COL18A1: variants seen among roughly 807,000 people sequenced by gnomAD.
COL18A1 encodes the protein collagen alpha-1(XVIII) chain.
COL18A1 carries 133 observed loss-of-function variants against 168.0 expected under a neutral mutation model. That is an observed-to-expected ratio of 0.79 (90% CI 0.69 to 0.91). The LOEUF (loss-of-function observed/expected upper bound fraction) is 0.91. Ranked by LOEUF, COL18A1 falls within the 40% of genes least tolerant of loss-of-function variation. The pLI, the probability that COL18A1 is intolerant of heterozygous loss-of-function variation, is 0.00. For synonymous variants in COL18A1, 949 were observed against 809.0 expected, an observed-to-expected ratio of 1.17 and a Z score of -2.94; for missense variants, 2,126 against 1,925.4, an observed-to-expected ratio of 1.10 and a Z score of -1.95.
chr21:45,505,830 C>G lies in COL18A1; in HGVS notation c.3088-8C>G. The G allele has an allele frequency of 1.9e-6, 3 of 1,562,756 alleles. No homozygotes were observed. Among genetic ancestry groups the G allele is most frequent in the Non-Finnish European group, 2.6e-6 (3 of 1,148,102 alleles). ...CAAGCCCCACACCTCTGCATTTGGT[C>G]CCAGCAGGTGAGGCTCTGGGCTACA... On this transcript the variant is annotated splice_polypyrimidine_tract_variant and splice_region_variant and intron_variant, in intron 36 of 41. Transcript: ENST00000651438.
At chr21:45,469,723 G>A (rs1016082288) in intron 3 of COL18A1, among the ~76,000 whole-genome samples, 6 of 152,242 alleles carry the variant, frequency 3.9e-5, no homozygotes, top group Admixed American at 6.5e-5. Flanking sequence ...GCAGCTGGAC[G>A]CCCCTGCCCT....
intron 2 of COL18A1, among the ~76,000 whole-genome samples, chr21:45,453,034 T>C (rs2034679579): frequency 6.6e-6 from 1 of 152,066 alleles, no homozygotes; most frequent in Admixed American, 6.5e-5. Context: ...AGTATTCATG[T>C]GTGACATGTA....
At position 45,496,489 on chromosome 21, in the gene COL18A1, C is replaced by T. The variant is rs576837210; in HGVS notation, c.2509-11C>T. The T allele has an allele frequency of 9.5e-5, 121 of 1,268,078 alleles. No homozygotes were observed. Among genetic ancestry groups the T allele is most frequent in the Non-Finnish European group, 4.6e-6 (4 of 864,336 alleles). The allele number at this position is 1,268,078 out of a possible 1,614,324, so 78.6% of individuals were successfully genotyped here. A position where few individuals can be genotyped will look rare whatever the true frequency, so the allele number is the denominator to read the frequency against. On this transcript the variant is annotated splice_polypyrimidine_tract_variant and intron_variant, in intron 29 of 41. Coordinates refer to ENST00000651438, the MANE Select transcript of COL18A1 (RefSeq NM_001379500.1). ...GGCCATAAGCCTAACAGCTCTCTGC[C>T]CTCCCCACAGGGAATGCCCGGCCCC...
chr21:45,495,863 A>G (rs2036520606), intron 29 of COL18A1: 1 of 318,566 alleles, frequency 3.1e-6, no homozygotes, highest in South Asian at 2.7e-5. Flanking sequence ...ATACATGTGC[A>G]CGTATCCACA....
rs560850010 is a variant in COL18A1, at chr21:45,473,548, C to G, written c.652-347C>G. On this transcript the variant is annotated intron_variant, in intron 3 of 41. Transcript: ENST00000651438. The surrounding 1 kb of genome is among the most constrained non-coding windows in gnomAD (Gnocchi z 4.0). Reference sequence around the variant, plus strand: ...TTGGGGGACTTGACCTGCAGCCCCTCGAATCTGCCCGCCCTCCCAGGCCTT... The same window carrying G: ...TTGGGGGACTTGACCTGCAGCCCCTGGAATCTGCCCGCCCTCCCAGGCCTT... Among the ~76,000 whole-genome samples the G allele has an allele frequency of 6.6e-6, 1 of 152,082 alleles. No homozygotes were observed. Among genetic ancestry groups the G allele is most frequent in the South Asian group, 2.1e-4 (1 of 4,830 alleles).
chr21:45,503,357 C>T (rs1242886836), intron 32 of COL18A1, among the ~76,000 whole-genome samples: 1 of 151,964 alleles, frequency 6.6e-6, no homozygotes, highest in Non-Finnish European at 1.5e-5. Context: ...TTTTTGGCTG[C>T]ATAAATGTCT....
chr21:45,437,828 TCAGACAAGCACTCTCCTG>T (rs2034216962), intron 2 of COL18A1, among the ~76,000 whole-genome samples: 1 of 26,522 alleles, frequency 3.8e-5, no homozygotes, highest in Non-Finnish European at 6.0e-5. Context: ...ACACTCACAC[TCAGACAAGCACTCTCCTG>T]CACACACTCA....
chr21:45,474,841 T>C (rs999305270), intron 4 of COL18A1, among the ~76,000 whole-genome samples: 1 of 24,230 alleles, frequency 4.1e-5, no homozygotes, highest in East Asian at 1.3e-3. Context: ...CATGTTACTT[T>C]CATGCTTTTT....
rs2035834385 is a variant in COL18A1 at position 45,479,932 on chromosome 21, A to G, written c.1279A>G (p.Thr427Ala). The G allele has an allele frequency of 6.2e-7, 1 of 1,612,846 alleles. No individual in the cohort carries two copies. Among genetic ancestry groups the G allele is most frequent in the Admixed American group, 1.7e-5 (1 of 59,918 alleles). Residue 427 changes from threonine (T) to alanine (A), a missense_variant, in exon 10 of 42, where the codon ACT becomes GCT. Coordinates refer to ENST00000651438, the MANE Select transcript of COL18A1 (RefSeq NM_001379500.1). The stretch of plus-strand genomic sequence containing the variant: ...CACCGGGCCACAAGGCTTCCCCGGG[A>G]CTCCAGGGGACGTAGGTCCCAAGGG... ...GDTGPQGFPG[T>A]PGDVGPKGDK...
intron 32 of COL18A1, among the ~76,000 whole-genome samples, chr21:45,500,118 AGTGTGGGG>A (rs1321815529): frequency 2.5e-5 from 3 of 120,108 alleles, no homozygotes; most frequent in Non-Finnish European, 3.5e-5. Context: ...GAGTGTGTGC[AGTGTGGGG>A]GTGTGGGTGG....
chr21:45,511,346 T>TTTAAAA, intron 41 of COL18A1, 120 bp downstream of exon 41: 1 of 690,216 alleles, frequency 1.4e-6, no homozygotes, highest in Non-Finnish European at 2.7e-6. Context: ...TGCTCATTAC[T>TTTAAAA]TTAAAATTAC....
chr21:45,505,480 G>GCAGAACCAGCCA, intron 36 of COL18A1, 49 bp downstream of exon 36: 2 of 971,140 alleles, frequency 2.1e-6, no homozygotes, highest in Non-Finnish European at 3.2e-6. Context: ...TGCCCTGGCT[G>GCAGAACCAGCCA]GTTCTGCAGC....
At position 45,442,227 on chromosome 21, in the gene COL18A1, C is replaced by T. The variant is rs73909528; in HGVS notation, c.107-26015C>T. On this transcript the variant is annotated intron_variant, in intron 2 of 41. Coordinates refer to ENST00000651438, the MANE Select transcript of COL18A1 (RefSeq NM_001379500.1). Reference sequence around the variant, plus strand: ...GGATACCACCGGTGCACAGGGTGCACGTGAGGAAACCCTGCCCGTTCTGTG... The same window carrying T: ...GGATACCACCGGTGCACAGGGTGCATGTGAGGAAACCCTGCCCGTTCTGTG... Among the ~76,000 whole-genome samples the T allele has an allele frequency of 5.4e-3, 828 of 152,298 alleles. 12 individuals are homozygous for T. The highest frequency in any genetic ancestry group is 0.019 in the African/African-American group (799 of 41,558).
chr21:45,500,322 TGA>T (rs1225776237), intron 32 of COL18A1, among the ~76,000 whole-genome samples: 3 of 57,548 alleles, frequency 5.2e-5, no homozygotes, highest in African/African-American at 7.2e-5. Flanking sequence ...AGTGGGGGTG[TGA>T]GGGGTGTGGA....
intron 3 of COL18A1, 107 bp downstream of exon 3, chr21:45,468,893 C>T: frequency 8.2e-7 from 1 of 1,214,308 alleles, no homozygotes; most frequent in South Asian, 1.5e-5. Context: ...AGGAGAGCCC[C>T]CACCCCAGCT....
chr21:45,416,660 G>A (rs943141671), intron 2 of COL18A1, among the ~76,000 whole-genome samples: 1 of 152,192 alleles, frequency 6.6e-6, no homozygotes, highest in African/African-American at 2.4e-5. Context: ...TTCCAGCTTA[G>A]GCTCAGCAGG....
In COL18A1 at chr21:45,504,029, T is replaced by C. The variant is rs1375755356; in HGVS notation, c.2702T>C (p.Phe901Ser). 6.2e-7 allele frequency: 1 copy of C among 1,610,688 alleles called. No homozygotes were observed. The highest frequency in any genetic ancestry group is 8.5e-7 in the Non-Finnish European group (1 of 1,179,786). ...PGPPGQFPFD[F>S]LQLEAEMKGE... ...CTTGCAGGGCAGTTTCCGTTTGACT[T>C]TCTTCAGTTGGAGGCTGAAATGAAG... The change falls in exon 33 of 42, where the codon TTT (phenylalanine) becomes TCT (serine). Residue 901 changes from phenylalanine (F) to serine (S), a missense_variant. Phe to Ser is a radical substitution (Grantham distance 155). Coordinates refer to ENST00000651438, the MANE Select transcript of COL18A1 (RefSeq NM_001379500.1).
chr21:45,467,723 G>A (rs2035265915), intron 2 of COL18A1, among the ~76,000 whole-genome samples: 1 of 152,180 alleles, frequency 6.6e-6, no homozygotes, highest in Non-Finnish European at 1.5e-5. Flanking sequence ...AGGCCAGGCT[G>A]GGGTGCCGGC....
At chr21:45,475,734 C>T (rs1349905608) in intron 5 of COL18A1, among the ~76,000 whole-genome samples, 199 bp downstream of exon 5, 1 of 146,408 alleles carries the variant, frequency 6.8e-6, no homozygotes, top group Non-Finnish European at 1.5e-5. Context: ...TCCGGCCCTG[C>T]CTGGCCGCCG....
Sources: allele counts gnomAD v4.1 joint callset (sites outside exome capture counted in the v4.1 genomes callset), GRCh38; gene constraint gnomAD v4.1.1; non-coding constraint Gnocchi (gnomAD v3.1); transcripts MANE v1.5; gene names NCBI Gene and HGNC (gene_info 2026-07-23, HGNC 2026-07-21).